The following PCDHGB2 variants were observed in gnomAD, a reference collection of about 807,000 sequenced individuals.
The protein encoded by PCDHGB2 is protocadherin gamma subfamily B, 2.
Under a neutral mutation model 59.3 loss-of-function variants are expected in PCDHGB2, and 55 were observed. The observed-to-expected ratio is 0.93, with a 90% CI of 0.75 to 1.16. PCDHGB2 has a LOEUF of 1.16. Among genes scored for constraint, PCDHGB2 ranks in the 50% most tolerant of loss-of-function variants. The pLI is 0.00. For synonymous variants in PCDHGB2, 516 were observed against 512.0 expected, an observed-to-expected ratio of 1.01 and a Z score of -0.11; for missense variants, 1,228 against 1,198.5, an observed-to-expected ratio of 1.02 and a Z score of -0.36.
At chr5:141,416,115 A>G (rs2095995433) in intron 1 of PCDHGB2, 2 of 155,406 alleles carry the variant, frequency 1.3e-5, no homozygotes, top group East Asian at 1.9e-4. Context: ...TTCAAACTAC[A>G]TTTTATATAT....
intron 1 of PCDHGB2, chr5:141,393,194 C>G (rs770162660): frequency 6.2e-7 from 1 of 1,613,362 alleles, no homozygotes. Flanking sequence ...TTGATATTAA[C>G]GATAATAACC....
In PCDHGB2 at chr5:141,362,004, G is replaced by C. The variant is rs779926353; in HGVS notation, c.1869G>C (p.Thr623=). The C allele has an allele frequency of 2.5e-6, 4 of 1,604,470 alleles. No individual in the cohort carries two copies. The highest frequency in any genetic ancestry group is 3.4e-6 in the Non-Finnish European group (4 of 1,177,688). ...EPGLFSLGLR[T]GEVRTARALG... ...GGCTCTTCAGCCTGGGGTTGCGCAC[G>C]GGTGAGGTGCGCACAGCGCGTGCCT... Residue 623 remains threonine (T), a synonymous_variant, in exon 1 of 4, where the codon ACG becomes ACC. Coordinates refer to ENST00000522605, the MANE Select transcript of PCDHGB2 (RefSeq NM_018923.3).
chr5:141,427,726 T>G (rs2097061742), intron 1 of PCDHGB2: 1 of 1,155,034 alleles, frequency 8.7e-7, no homozygotes, highest in Non-Finnish European at 1.3e-6. Context: ...GACCTAGGGC[T>G]GAATGGCCAA....
At chr5:141,452,412 T>G (rs1009940351) in intron 1 of PCDHGB2, among the ~76,000 whole-genome samples, 2 of 152,222 alleles carry the variant, frequency 1.3e-5, no homozygotes, top group Non-Finnish European at 2.9e-5. Context: ...GTGTGAGGTA[T>G]GCTCACTGCT....
At chr5:141,460,087 A>T (rs2098981724) in intron 1 of PCDHGB2, among the ~76,000 whole-genome samples, 1 of 152,008 alleles carries the variant, frequency 6.6e-6, no homozygotes, top group African/African-American at 2.4e-5. Flanking sequence ...AAAAAATAAT[A>T]ATTATACATG....
rs750687055 is a variant in PCDHGB2 at position 141,383,137 on chromosome 5, C to G, written c.2421+20581C>G. The G allele has an allele frequency of 2.5e-5, 40 of 1,613,994 alleles. No individual in the cohort carries two copies. In the Admixed American group the frequency reaches 3.2e-4, roughly 13 times the overall value. On this transcript the variant is annotated intron_variant, in intron 1 of 3. Transcript: ENST00000522605. Reference sequence around the variant, plus strand: ...GACGCAGCTTTTCGCCCTGAACCAGCGCAGCGGCAGCTTGGTCACTGCGGG... The same window carrying G: ...GACGCAGCTTTTCGCCCTGAACCAGGGCAGCGGCAGCTTGGTCACTGCGGG...
Position 141,361,239 on chromosome 5 carries a change from G to T in PCDHGB2, c.1104G>T (p.Leu368Phe). Residue 368 changes from leucine to phenylalanine, a missense_variant, in exon 1 of 4, where the codon TTG becomes TTT. By Grantham distance (22) the Leu-to-Phe change is conservative (BLOSUM62 0). Around this residue, in one of 3 missense-constraint regions of PCDHGB2, gnomAD observed 781 missense variants for 721.6 expected, o/e 1.08. Coordinates refer to ENST00000522605, the MANE Select transcript of PCDHGB2 (RefSeq NM_018923.3). ...EDSPPGTVIA[L>F]IKTRDRDSGE... ...CGCCACCAGGAACAGTGATCGCCTT[G>T]ATAAAAACGAGAGACAGAGACTCTG... 6.2e-7 allele frequency: 1 copy of T among 1,613,958 alleles called. No individual in the cohort carries two copies. Among genetic ancestry groups the T allele is most frequent in the Non-Finnish European group, 8.5e-7 (1 of 1,179,882 alleles).
chr5:141,370,551 G>A, intron 1 of PCDHGB2: 18 of 1,613,928 alleles, frequency 1.1e-5, no homozygotes, highest in Non-Finnish European at 1.4e-5. Context: ...CCTCGCCAAG[G>A]ACCTGGGGTT....
chr5:141,401,189 A>G (rs2094126174), intron 1 of PCDHGB2, among the ~76,000 whole-genome samples: 1 of 152,144 alleles, frequency 6.6e-6, no homozygotes, highest in South Asian at 2.1e-4. Context: ...TAAAAATACA[A>G]AAATTAGCTG....
chr5:141,365,919 TGTG>T (rs1195562378), intron 1 of PCDHGB2: 1 of 1,614,178 alleles, frequency 6.2e-7, no homozygotes, highest in East Asian at 2.2e-5. Flanking sequence ...GACCTACAGT[TGTG>T]GGTGACAGCC....
chr5:141,372,752 T>C (rs746659165), intron 1 of PCDHGB2: 9 of 1,613,300 alleles, frequency 5.6e-6, no homozygotes, highest in Non-Finnish European at 7.6e-6. Flanking sequence ...ATGAAGCCTC[T>C]TGGTTTGAAA....
At chr5:141,395,535 C>T in intron 1 of PCDHGB2, 1 of 331,902 alleles carries the variant, frequency 3.0e-6, no homozygotes, top group Non-Finnish European at 5.4e-6. Flanking sequence ...GGTAATTTTG[C>T]TATTGTTTGT....
At chr5:141,392,322 A>G (rs2092513343) in intron 1 of PCDHGB2, 1 of 152,296 alleles carries the variant, frequency 6.6e-6, no homozygotes, top group South Asian at 2.1e-4. Flanking sequence ...TTAAGACCAA[A>G]TGTATTGCAG....
At chr5:141,375,449 TC>T in intron 1 of PCDHGB2, 1 of 1,613,978 alleles carries the variant, frequency 6.2e-7, no homozygotes, top group Non-Finnish European at 8.5e-7. Context: ...CCCCCATTCA[TC>T]CTACTCAGTC....
intron 1 of PCDHGB2, chr5:141,415,059 C>A: frequency 1.2e-6 from 2 of 1,613,396 alleles, no homozygotes; most frequent in Non-Finnish European, 1.7e-6. Flanking sequence ...AGCACACGGG[C>A]GAGGTGCGCA....
chr5:141,479,021 T>C (rs72790064), intron 1 of PCDHGB2, among the ~76,000 whole-genome samples: 1,892 of 152,352 alleles, frequency 0.012, 20 homozygotes, highest in Non-Finnish European at 0.018. Context: ...TAATTTTCCT[T>C]TGTTTATACA....
chr5:141,405,165 C>T (rs745998723), intron 1 of PCDHGB2: 1 of 1,614,096 alleles, frequency 6.2e-7, no homozygotes, highest in Admixed American at 1.7e-5. Flanking sequence ...GTGCCCACCT[C>T]ACACTTTGTG....
chr5:141,443,136 C>T (rs910953831), intron 1 of PCDHGB2, among the ~76,000 whole-genome samples: 1 of 152,160 alleles, frequency 6.6e-6, no homozygotes, highest in African/African-American at 2.4e-5. Context: ...AGAACACTAT[C>T]ATAAGTTATA....
chr5:141,427,955 G>A (rs749241312), intron 1 of PCDHGB2: 1 of 1,587,202 alleles, frequency 6.3e-7, no homozygotes, highest in Non-Finnish European at 8.6e-7. Context: ...ATGACAATGT[G>A]CCGCGGGTGC....
Sources: allele counts gnomAD v4.1 joint callset (sites outside exome capture counted in the v4.1 genomes callset), GRCh38; gene constraint gnomAD v4.1.1; regional missense constraint gnomAD v4.1.1; transcripts MANE v1.5; gene names NCBI Gene and HGNC (gene_info 2026-07-23, HGNC 2026-07-21).